ANKH: variants seen among roughly 807,000 people sequenced by gnomAD.
ANKH encodes mineralization regulator ANKH.
Under a neutral mutation model 49.0 loss-of-function variants are expected in ANKH, and 15 were observed. That is an observed-to-expected ratio of 0.31 (90% CI 0.20 to 0.47). The LOEUF is 0.47. Ranked by LOEUF, ANKH falls within the 20% of genes least tolerant of loss-of-function variation. The pLI is 1.00. For missense variants in ANKH, 429 were observed against 652.0 expected (o/e 0.66, Z 3.72); for synonymous variants, 273 against 260.0 (o/e 1.05, Z -0.48).
chr5:14,769,233 T>C, intron 1 of ANKH, 42 bp from the exon 2 acceptor site: 2 of 1,508,956 alleles, frequency 1.3e-6, no homozygotes, highest in South Asian at 1.2e-5. Flanking sequence ...AGAAATGTCA[T>C]CTCTTCTCTG....
chr5:14,755,617 A>G (rs1468853787), intron 4 of ANKH, among the ~76,000 whole-genome samples: 1 of 152,224 alleles, frequency 6.6e-6, no homozygotes, highest in Non-Finnish European at 1.5e-5. Flanking sequence ...AAACCCCTTT[A>G]TTTAAATTTA....
In ANKH at chr5:14,802,073, C is replaced by T. The variant is rs375658888; in HGVS notation, c.97-32882G>A. Among the ~76,000 whole-genome samples, 27 of 152,180 alleles carry T rather than the reference C, an allele frequency of 1.8e-4. No individual in the cohort carries two copies. The East Asian group carries it at 3.1e-3, about 17-fold the overall frequency. ...TTCTTCCTGTCGACAGTGCCAACAC[C>T]GGGTCAATGTTCCTACCTGAGACTT... On this transcript the variant is annotated intron_variant, in intron 1 of 11. Coordinates refer to ENST00000284268, the MANE Select transcript of ANKH (RefSeq NM_054027.6).
At chr5:14,821,814 C>T (rs1315446112) in intron 1 of ANKH, among the ~76,000 whole-genome samples, 1 of 152,188 alleles carries the variant, frequency 6.6e-6, no homozygotes, top group Non-Finnish European at 1.5e-5. Context: ...GAATCCTTTA[C>T]ATTAAGGCCC....
At chr5:14,859,328 T>C (rs1321136279) in intron 1 of ANKH, among the ~76,000 whole-genome samples, 1 of 152,264 alleles carries the variant, frequency 6.6e-6, no homozygotes, top group Middle Eastern at 3.2e-3. Context: ...GGTTTGCCTA[T>C]ATTGTAGCAT....
intron 1 of ANKH, chr5:14,871,074 A>T (rs1454835087): frequency 3.5e-6 from 2 of 569,524 alleles, no homozygotes; most frequent in African/African-American, 3.7e-5. Context: ...AAATTACATA[A>T]TACTGCCGTG....
chr5:14,751,933 G>A, intron 4 of ANKH, among the ~76,000 whole-genome samples: 1 of 152,094 alleles, frequency 6.6e-6, no homozygotes, highest in East Asian at 1.9e-4. Context: ...CTGAGGACTA[G>A]GCTACATTTA....
At chr5:14,824,043 G>T (rs1175983175) in intron 1 of ANKH, among the ~76,000 whole-genome samples, 2 of 152,046 alleles carry the variant, frequency 1.3e-5, no homozygotes, top group East Asian at 3.9e-4. Context: ...CCCCAACCAA[G>T]AGTCTGCAGA....
At chr5:14,774,469 G>A (rs1312667707) in intron 1 of ANKH, among the ~76,000 whole-genome samples, 5 of 151,702 alleles carry the variant, frequency 3.3e-5, no homozygotes, top group South Asian at 2.1e-4. Context: ...ACACAGTCGC[G>A]CTCTGTCGCC....
rs201629856 is a variant in ANKH at position 14,741,897 on chromosome 5, C to T, written c.941G>A (p.Ser314Asn). ...DKNNPSNKLV[S>N]TSNTVTAAHI... ...GGCTGCCGTGACTGTGTTGCTCGTG[C>T]TCACCAGTTTGTTGCTGGGGTTATT... Residue 314 changes from serine (S) to asparagine (N), a missense_variant, in exon 8 of 12, where the codon AGC becomes AAC. Ser to Asn is a conservative substitution (Grantham distance 46). Transcript: ENST00000284268. The T allele has an allele frequency of 1.9e-6, 3 of 1,614,148 alleles. No homozygotes were observed. The highest frequency in any genetic ancestry group is 1.3e-5 in the African/African-American group (1 of 75,026).
At chr5:14,861,349 G>A (rs1464178889) in intron 1 of ANKH, among the ~76,000 whole-genome samples, 1 of 152,102 alleles carries the variant, frequency 6.6e-6, no homozygotes, top group African/African-American at 2.4e-5. Flanking sequence ...GGCTCACTAG[G>A]AAAATCCTCA....
intron 2 of ANKH, among the ~76,000 whole-genome samples, chr5:14,760,366 G>A (rs1039053212): frequency 2.0e-5 from 3 of 152,168 alleles, no homozygotes; most frequent in African/African-American, 7.2e-5. Flanking sequence ...GACCTGGGAA[G>A]GCAGGGAGGG....
rs1024495466 is a variant in ANKH at position 14,713,525 on chromosome 5, A to G, written c.1265+19T>C. 1.9e-6 allele frequency: 3 copies of G among 1,613,754 alleles called. No homozygotes were observed. Among genetic ancestry groups the G allele is most frequent in the African/African-American group, 1.3e-5 (1 of 74,928 alleles). Reference sequence around the variant, plus strand: ...AAGTGGCAGAAGGACCCACAGCCCCAAACTCCCTGACAACATACCCCAGGT... The same window carrying G: ...AAGTGGCAGAAGGACCCACAGCCCCGAACTCCCTGACAACATACCCCAGGT... On this transcript the variant is annotated intron_variant, in intron 10 of 11. Coordinates refer to ENST00000284268, the MANE Select transcript of ANKH (RefSeq NM_054027.6). The surrounding 1 kb of genome is among the most constrained non-coding windows in gnomAD (Gnocchi z 4.4).
Position 14,803,065 on chromosome 5 carries a change from T to A in ANKH, c.97-33874A>T, listed in dbSNP as rs1466118532. Among the ~76,000 whole-genome samples the A allele has an allele frequency of 4.6e-5, 7 of 152,216 alleles. No individual in the cohort carries two copies. The East Asian group carries it at 9.6e-4, about 21-fold the overall frequency. On this transcript the variant is annotated intron_variant, in intron 1 of 11. Coordinates refer to ENST00000284268, the MANE Select transcript of ANKH (RefSeq NM_054027.6). ...GTGAATTGCTATCCACAGTGGGTCA[T>A]GAAATCAGTTTGATAGGTCACATCC...
chr5:14,742,394 C>T (rs896273908), intron 7 of ANKH, among the ~76,000 whole-genome samples: 2 of 152,238 alleles, frequency 1.3e-5, no homozygotes, highest in Non-Finnish European at 2.9e-5. Context: ...CAATCTGACA[C>T]AGACTCACTT....
intron 1 of ANKH, among the ~76,000 whole-genome samples, chr5:14,774,437 T>C (rs974234872): frequency 2.0e-5 from 3 of 152,090 alleles, no homozygotes; most frequent in Non-Finnish European, 2.9e-5. Context: ...CATTCATTAT[T>C]ATTATTATTT....
chr5:14,833,512 C>T (rs1261833140), intron 1 of ANKH, among the ~76,000 whole-genome samples: 1 of 152,202 alleles, frequency 6.6e-6, no homozygotes, highest in Non-Finnish European at 1.5e-5. Flanking sequence ...TTCTCGCCTG[C>T]TCCTCCCCCA....
intron 2 of ANKH, among the ~76,000 whole-genome samples, chr5:14,763,433 A>G (rs759910573): frequency 1.3e-5 from 2 of 152,206 alleles, no homozygotes; most frequent in Non-Finnish European, 2.9e-5. Context: ...ACACTCTAAC[A>G]CAGCTGTGAA....
chr5:14,714,853 C>T (rs918990424), intron 9 of ANKH, among the ~76,000 whole-genome samples: 1 of 152,224 alleles, frequency 6.6e-6, no homozygotes, highest in Admixed American at 6.5e-5. Flanking sequence ...TCAGCTATAG[C>T]CTGCTCCCAG....
chr5:14,733,041 C>G (rs1193623104), intron 8 of ANKH, among the ~76,000 whole-genome samples: 1 of 152,176 alleles, frequency 6.6e-6, no homozygotes, highest in Non-Finnish European at 1.5e-5. Flanking sequence ...AGCTCCAGTT[C>G]GTGCACCCTG....
Sources: allele counts gnomAD v4.1 joint callset (sites outside exome capture counted in the v4.1 genomes callset), GRCh38; gene constraint gnomAD v4.1.1; non-coding constraint Gnocchi (gnomAD v3.1); transcripts MANE v1.5; gene names NCBI Gene and HGNC (gene_info 2026-07-23, HGNC 2026-07-21).